TRAPPC9: variants seen among roughly 807,000 people sequenced by gnomAD.
TRAPPC9 encodes the protein IKK2 binding protein.
In TRAPPC9, 83 loss-of-function variants were observed where a neutral mutation model predicts 124.0. The ratio of observed to expected loss-of-function variants is 0.67; its 90% confidence interval spans 0.56 to 0.80. The LOEUF is 0.80. Ranked by LOEUF, TRAPPC9 falls within the 30% of genes least tolerant of loss-of-function variation. The probability of loss-of-function intolerance (pLI) is 0.00; values close to 1 mark genes in which losing one functional copy is unlikely to be tolerated. For missense variants in TRAPPC9, 1,302 were observed against 1,508.3 expected, an observed-to-expected ratio of 0.86 and a Z score of 2.27; for synonymous variants, 638 against 617.5, an observed-to-expected ratio of 1.03 and a Z score of -0.49.
rs1163507028 is a variant in TRAPPC9, at chr8:140,439,234, C to T, written c.585-37G>A. On this transcript the variant is annotated intron_variant, in intron 2 of 22. Coordinates refer to ENST00000438773, the MANE Select transcript of TRAPPC9 (RefSeq NM_001160372.4). Reference sequence around the variant, plus strand: ...ATGAAAATGTATCTTTATTACTATACAACTCCCACCCAGAAAGCACTCTGA... The same window carrying T: ...ATGAAAATGTATCTTTATTACTATATAACTCCCACCCAGAAAGCACTCTGA... 5 of 1,609,374 alleles carry T rather than the reference C, an allele frequency of 3.1e-6. No individual in the cohort carries two copies. The African/African-American group carries it at 6.7e-5, about 22-fold the overall frequency.
chr8:140,377,875 G>A lies in TRAPPC9; in HGVS notation c.1135-6695C>T, dbSNP rs181130981. Reference sequence around the variant, plus strand: ...CTTGGGAAGCTGAGGCAGGTGAATCGCTTGAACCCGGGGGGCAGAGGTTGC... The same window carrying A: ...CTTGGGAAGCTGAGGCAGGTGAATCACTTGAACCCGGGGGGCAGAGGTTGC... On this transcript the variant is annotated intron_variant, in intron 7 of 22. Transcript: ENST00000438773. Among the ~76,000 whole-genome samples the A allele has an allele frequency of 5.6e-4, 85 of 152,006 alleles. No homozygotes were observed. In the East Asian group the frequency reaches 0.015, roughly 27 times the overall value.
intron 9 of TRAPPC9, among the ~76,000 whole-genome samples, chr8:140,339,695 C>A (rs1279423052): frequency 6.6e-6 from 1 of 152,144 alleles, no homozygotes; most frequent in Non-Finnish European, 1.5e-5. Flanking sequence ...TCCAATACTG[C>A]GTATGAAACC....
At chr8:139,887,454 C>T (rs1199375320) in intron 20 of TRAPPC9, among the ~76,000 whole-genome samples, 1 of 152,116 alleles carries the variant, frequency 6.6e-6, no homozygotes. Context: ...GAACTCCTGA[C>T]CTCAAGTGAT....
intron 21 of TRAPPC9, among the ~76,000 whole-genome samples, chr8:139,852,753 C>T (rs1445141422): frequency 1.3e-5 from 2 of 152,216 alleles, no homozygotes; most frequent in Non-Finnish European, 2.9e-5. Flanking sequence ...ACACCAGCTA[C>T]CTTGGGCTGG....
At position 140,353,448 on chromosome 8, in the gene TRAPPC9, T is replaced by C. The variant is rs545966767; in HGVS notation, c.1495+6602A>G. Among the ~76,000 whole-genome samples, 90 of 152,236 alleles carry C rather than the reference T, an allele frequency of 5.9e-4. No individual in the cohort carries two copies. The highest frequency in any genetic ancestry group is 1.2e-3 in the Non-Finnish European group (79 of 68,038). ...CACTCACAGTAGCAGAGCCTACATA[T>C]GGTTGAACCTTACTCGCTCACCTGG... On this transcript the variant is annotated intron_variant, in intron 9 of 22. Transcript: ENST00000438773. This position sits in a 1 kb window ranked among gnomAD's most constrained non-coding sequence, Gnocchi z 4.2.
rs185538748 is a variant in TRAPPC9, at chr8:140,196,102, A to C, written c.2556+25357T>G. On this transcript the variant is annotated intron_variant, in intron 17 of 22. Transcript: ENST00000438773. Reference sequence around the variant, plus strand: ...GTGATACTAAAACACTCAATGATCCACACCATACAGATCACACCTGTGACA... The same window carrying C: ...GTGATACTAAAACACTCAATGATCCCCACCATACAGATCACACCTGTGACA... Among the ~76,000 whole-genome samples, 15 of 140,440 alleles carry C rather than the reference A, an allele frequency of 1.1e-4. No individual in the cohort carries two copies. The East Asian group carries it at 1.7e-3, about 16-fold the overall frequency. 92.1% of individuals were successfully genotyped at this position (140,440 alleles called of 152,430 possible).
chr8:139,988,881 A>G, intron 18 of TRAPPC9, 45 bp from the exon 19 acceptor site: 1 of 1,328,818 alleles, frequency 7.5e-7, no homozygotes, highest in Non-Finnish European at 1.1e-6. Context: ...TGACAGCCAA[A>G]GAGGAATGAC....
intron 15 of TRAPPC9, among the ~76,000 whole-genome samples, chr8:140,256,265 C>CA (rs1468944150): frequency 2.0e-5 from 3 of 152,198 alleles, no homozygotes; most frequent in African/African-American, 7.2e-5. Context: ...GTAAGTCACT[C>CA]AGTCAGAGAA....
At chr8:139,971,652 T>G (rs1056183863) in intron 19 of TRAPPC9, among the ~76,000 whole-genome samples, 8 of 152,024 alleles carry the variant, frequency 5.3e-5, no homozygotes, top group African/African-American at 1.9e-4. Flanking sequence ...CAGGCGTGCC[T>G]GGCAAGATGA....
intron 21 of TRAPPC9, among the ~76,000 whole-genome samples, chr8:139,785,114 T>C (rs1822133456): frequency 6.6e-6 from 1 of 152,106 alleles, no homozygotes; most frequent in Non-Finnish European, 1.5e-5. Flanking sequence ...AGTCCAGAAA[T>C]AGATCTGCAC....
At chr8:139,949,504 A>G (rs1834496644) in intron 19 of TRAPPC9, among the ~76,000 whole-genome samples, 1 of 152,204 alleles carries the variant, frequency 6.6e-6, no homozygotes, top group African/African-American at 2.4e-5. Flanking sequence ...AGGGTCCATC[A>G]ATCGATAAAC....
intron 10 of TRAPPC9, among the ~76,000 whole-genome samples, chr8:140,305,513 G>T (rs1488008331): frequency 6.6e-6 from 1 of 152,114 alleles, no homozygotes; most frequent in African/African-American, 2.4e-5. Context: ...TGTTGGCCAG[G>T]CTGGTCTCGA....
intron 21 of TRAPPC9, among the ~76,000 whole-genome samples, chr8:139,829,711 C>T (rs943814708): frequency 2.6e-5 from 4 of 152,122 alleles, no homozygotes; most frequent in African/African-American, 9.7e-5. Context: ...AACACAAGAG[C>T]GAAAAGAATG....
Position 140,322,771 on chromosome 8 carries a change from G to T in TRAPPC9, c.1496-11397C>A, listed in dbSNP as rs188449004. Among the ~76,000 whole-genome samples, 138 of 152,326 alleles carry T rather than the reference G, an allele frequency of 9.1e-4. 1 individual carries two copies. Among genetic ancestry groups the T allele is most frequent in the African/African-American group, 3.1e-3 (130 of 41,578 alleles). On this transcript the variant is annotated intron_variant, in intron 9 of 22. Transcript: ENST00000438773. ...GGGTTGCTTGAGCCCAGGAGTTCAA[G>T]GCTGCAGTGAGCTATGATTACGGGC...
intron 21 of TRAPPC9, among the ~76,000 whole-genome samples, chr8:139,745,405 G>A (rs1818823300): frequency 6.6e-6 from 1 of 152,272 alleles, no homozygotes; most frequent in African/African-American, 2.4e-5. Flanking sequence ...ACAGAGGGGT[G>A]TGAATCACTG....
intron 17 of TRAPPC9, among the ~76,000 whole-genome samples, chr8:140,092,799 G>A (rs2130206312): frequency 6.6e-6 from 1 of 152,254 alleles, no homozygotes; most frequent in East Asian, 1.9e-4. Context: ...CCATATTTTT[G>A]TATTTGTTTT....
chr8:140,136,365 C>A (rs937590368), intron 17 of TRAPPC9, among the ~76,000 whole-genome samples: 2 of 152,280 alleles, frequency 1.3e-5, no homozygotes, highest in Middle Eastern at 3.4e-3. Context: ...GCCTGGCAGG[C>A]ACAAGCAGGA....
chr8:140,276,661 C>G (rs2065133360), intron 14 of TRAPPC9, among the ~76,000 whole-genome samples: 1 of 152,122 alleles, frequency 6.6e-6, no homozygotes, highest in Non-Finnish European at 1.5e-5. Flanking sequence ...CACTGGTGAT[C>G]ACAGAGAAAA....
Position 140,255,755 on chromosome 8 carries a change from G to A in TRAPPC9, c.2279-2826C>T, listed in dbSNP as rs1026557475. 3.3e-5 allele frequency among the ~76,000 whole-genome samples: 5 copies of A among 152,158 alleles called. No individual in the cohort carries two copies. In the South Asian group the frequency reaches 8.3e-4, roughly 25 times the overall value. On this transcript the variant is annotated intron_variant, in intron 15 of 22. Transcript: ENST00000438773. ...ACAAAAATTAGCTGGGCATGGTGGCGCACACCTGTAGTCCTGGCTATTCAG... is the reference window on the plus strand; with the variant it reads ...ACAAAAATTAGCTGGGCATGGTGGCACACACCTGTAGTCCTGGCTATTCAG...
Sources: gnomAD v4.1 joint callset for allele counts (sites outside exome capture counted in the v4.1 genomes callset) on GRCh38, gnomAD v4.1.1 for gene constraint, Gnocchi (gnomAD v3.1) non-coding constraint, MANE v1.5 for transcripts, NCBI Gene and HGNC (gene_info 2026-07-23, HGNC 2026-07-21) for gene names.